The following GRIK2 variants were observed in gnomAD, a reference collection of about 807,000 sequenced individuals.
GRIK2 encodes glutamate receptor ionotropic, kainate 2.
GRIK2 carries 32 observed loss-of-function variants against 100.3 expected under a neutral mutation model. The observed-to-expected ratio is 0.32, with a 90% CI of 0.24 to 0.43. The LOEUF is 0.43. GRIK2 is among the 20% of genes least tolerant of loss of function. The pLI is 1.00. For synonymous variants in GRIK2, 417 were observed against 389.4 expected (o/e 1.07, Z -0.83); for missense variants, 843 against 1,114.9 (o/e 0.76, Z 3.47).
At chr6:101,518,186 TAA>T (rs960514216) in intron 2 of GRIK2, among the ~76,000 whole-genome samples, 1 of 151,976 alleles carries the variant, frequency 6.6e-6, no homozygotes, top group East Asian at 1.9e-4. Context: ...GCAATAAAGT[TAA>T]AAAAAAGTGC....
chr6:101,476,219 A>C (rs994608383), intron 2 of GRIK2, among the ~76,000 whole-genome samples: 1 of 152,122 alleles, frequency 6.6e-6, no homozygotes. Context: ...ATCAGATTGA[A>C]CTATTTGGAG....
intron 7 of GRIK2, among the ~76,000 whole-genome samples, chr6:101,788,326 A>C (rs1405174644): frequency 6.6e-6 from 1 of 151,972 alleles, no homozygotes; most frequent in Admixed American, 6.6e-5. Context: ...GTCATTTAGC[A>C]TTAGGTATAT....
At chr6:102,005,428 T>G (rs956891456) in intron 14 of GRIK2, among the ~76,000 whole-genome samples, 1 of 151,980 alleles carries the variant, frequency 6.6e-6, no homozygotes, top group African/African-American at 2.4e-5. Flanking sequence ...AATGCCAGAG[T>G]CCAATCATTG....
At chr6:101,760,763 T>C (rs533608965) in intron 7 of GRIK2, among the ~76,000 whole-genome samples, 2 of 135,396 alleles carry the variant, frequency 1.5e-5, no homozygotes, top group South Asian at 4.3e-4. Context: ...TAATTATATA[T>C]AAATCAAGGT....
chr6:102,050,454 C>G (rs941334755), intron 15 of GRIK2, among the ~76,000 whole-genome samples: 4 of 151,788 alleles, frequency 2.6e-5, no homozygotes, highest in Non-Finnish European at 4.4e-5. Context: ...GAGATTGAGA[C>G]CATCCTGGCC....
intron 2 of GRIK2, among the ~76,000 whole-genome samples, chr6:101,528,744 C>G (rs1485744751): frequency 6.6e-6 from 1 of 152,124 alleles, no homozygotes; most frequent in Non-Finnish European, 1.5e-5. Context: ...ACTTGAAATT[C>G]TAAAGAAGAA....
chr6:101,802,118 TAAA>T (rs1254286107), intron 8 of GRIK2, among the ~76,000 whole-genome samples: 1 of 151,860 alleles, frequency 6.6e-6, no homozygotes, highest in African/African-American at 2.4e-5. Flanking sequence ...ATGCATTGTA[TAAA>T]ATGAAAAATT....
At chr6:101,902,025 G>C (rs1225366957) in intron 12 of GRIK2, among the ~76,000 whole-genome samples, 2 of 36,534 alleles carry the variant, frequency 5.5e-5, no homozygotes, top group African/African-American at 2.2e-4. Context: ...TATAAAATTG[G>C]CTTAAAAATT....
chr6:101,561,872 G>A (rs967254248), intron 2 of GRIK2, among the ~76,000 whole-genome samples: 3 of 152,148 alleles, frequency 2.0e-5, no homozygotes, highest in South Asian at 2.1e-4. Context: ...CTGGGGCACC[G>A]AGTGAAGGTG....
At chr6:102,026,570 A>G (rs1020399199) in intron 14 of GRIK2, among the ~76,000 whole-genome samples, 1 of 151,248 alleles carries the variant, frequency 6.6e-6, no homozygotes, top group Non-Finnish European at 1.5e-5. Context: ...GATACTTGGA[A>G]TGGTACACAA....
chr6:101,719,123 C>T (rs1236456106), intron 7 of GRIK2, among the ~76,000 whole-genome samples: 1 of 128,814 alleles, frequency 7.8e-6, no homozygotes, highest in African/African-American at 3.2e-5. Flanking sequence ...CTGAAATGTG[C>T]AACAGGCTGC....
At position 101,827,497 on chromosome 6, in the gene GRIK2, C is replaced by A. The variant is rs533728543; in HGVS notation, c.1317+9014C>A. ...AAAAACAAAACAAAACAAAAAAAAACCAATATCAGTCTTTCTGCTATCTTC... is the reference window on the plus strand; with the variant it reads ...AAAAACAAAACAAAACAAAAAAAAAACAATATCAGTCTTTCTGCTATCTTC... On this transcript the variant is annotated intron_variant, in intron 10 of 16. Transcript: ENST00000369134. Among the ~76,000 whole-genome samples the A allele has an allele frequency of 2.3e-3, 342 of 148,096 alleles. 3 individuals carry two copies. The highest frequency in any genetic ancestry group is 8.3e-3 in the African/African-American group (319 of 38,604).
chr6:101,489,052 G>A (rs964712522), intron 2 of GRIK2, among the ~76,000 whole-genome samples: 1 of 146,182 alleles, frequency 6.8e-6, no homozygotes, highest in African/African-American at 2.6e-5. Context: ...ATTTTAAAAT[G>A]TTACTCTTTT....
At chr6:101,533,567 C>A (rs562843208) in intron 2 of GRIK2, among the ~76,000 whole-genome samples, 1 of 151,910 alleles carries the variant, frequency 6.6e-6, no homozygotes, top group East Asian at 1.9e-4. Flanking sequence ...TTTTAATCTA[C>A]AAAACTATTC....
intron 9 of GRIK2, 38 bp downstream of exon 9, chr6:101,802,476 A>T: frequency 1.2e-6 from 1 of 839,670 alleles, no homozygotes; most frequent in Non-Finnish European, 1.9e-6. Context: ...TTACTAAATG[A>T]AACATATCTC....
At chr6:101,921,743 T>G (rs1371267650) in intron 12 of GRIK2, among the ~76,000 whole-genome samples, 1 of 151,978 alleles carries the variant, frequency 6.6e-6, no homozygotes, top group Non-Finnish European at 1.5e-5. Context: ...TAAAAAGAAT[T>G]GACTTACCTT....
chr6:101,954,765 G>A (rs1333068790), intron 14 of GRIK2, among the ~76,000 whole-genome samples: 1 of 152,092 alleles, frequency 6.6e-6, no homozygotes, highest in South Asian at 2.1e-4. Flanking sequence ...AATGAGAAAG[G>A]TGTACACTGT....
intron 2 of GRIK2, among the ~76,000 whole-genome samples, chr6:101,443,710 C>A (rs1307813656): frequency 6.6e-6 from 1 of 151,922 alleles, no homozygotes; most frequent in Non-Finnish European, 1.5e-5. Flanking sequence ...TTGGGAGATT[C>A]TGAACTGAAT....
intron 12 of GRIK2, among the ~76,000 whole-genome samples, chr6:101,911,294 C>G (rs2128465694): frequency 6.6e-6 from 1 of 151,592 alleles, no homozygotes; most frequent in South Asian, 2.1e-4. Flanking sequence ...AATTACAAAA[C>G]TGTTTGCCTC....
Sources: allele counts gnomAD v4.1 joint callset (sites outside exome capture counted in the v4.1 genomes callset), GRCh38; gene constraint gnomAD v4.1.1; transcripts MANE v1.5; gene names NCBI Gene and HGNC (gene_info 2026-07-23, HGNC 2026-07-21).